NHS: variants seen among roughly 807,000 people sequenced by gnomAD.
NHS encodes NHS actin remodeling regulator, also known as actin remodeling regulator NHS.
Under a neutral mutation model 72.5 loss-of-function variants are expected in NHS, and 5 were observed. The observed-to-expected ratio is 0.07, with a 90% CI of 0.04 to 0.14. NHS has a LOEUF of 0.14. NHS is among the 10% of genes least tolerant of loss of function. The pLI is 1.00. For missense variants in NHS, 1,072 were observed against 1,355.7 expected, an observed-to-expected ratio of 0.79 and a Z score of 3.29; for synonymous variants, 464 against 547.7, an observed-to-expected ratio of 0.85 and a Z score of 2.13.
intron 3 of NHS, among the ~76,000 whole-genome samples, chrX:17,715,269 C>T (rs2066358138): frequency 8.9e-6 from 1 of 112,280 alleles, no homozygotes; most frequent in Admixed American, 9.4e-5. Context: ...TAAATTAGAA[C>T]ATATGGTGTT....
chrX:17,463,488 G>GATATTAGT (rs769344880), intron 1 of NHS, among the ~76,000 whole-genome samples: 1 of 111,115 alleles, frequency 9.0e-6, no homozygotes, highest in African/African-American at 3.3e-5. Flanking sequence ...TCATGATGAT[G>GATATTAGT]ATATTAGTAT....
intron 1 of NHS, among the ~76,000 whole-genome samples, chrX:17,683,518 G>C (rs774349972): frequency 9.0e-6 from 1 of 111,513 alleles, no homozygotes; most frequent in South Asian, 3.8e-4. Flanking sequence ...CTACTTACCA[G>C]GTGGATGACT....
intron 1 of NHS, among the ~76,000 whole-genome samples, chrX:17,581,374 C>G (rs1276320883): frequency 9.0e-6 from 1 of 111,040 alleles, no homozygotes; most frequent in East Asian, 2.8e-4. Context: ...TAGAGGGTCC[C>G]CCAGAAATGG....
chrX:17,557,184 C>T (rs978140182), intron 1 of NHS: 1 of 100,895 alleles, frequency 9.9e-6, no homozygotes, highest in Non-Finnish European at 2.0e-5. Flanking sequence ...AGAGAAGACC[C>T]CTCTGATGGT....
intron 1 of NHS, among the ~76,000 whole-genome samples, chrX:17,683,216 G>A (rs1033902210): frequency 8.9e-6 from 1 of 112,085 alleles, no homozygotes; most frequent in African/African-American, 3.2e-5. Flanking sequence ...TCTGTTTGTG[G>A]TGTTGTCTTT....
At chrX:17,564,501 G>A (rs1474004240) in intron 1 of NHS, among the ~76,000 whole-genome samples, 1 of 112,068 alleles carries the variant, frequency 8.9e-6, no homozygotes, top group Non-Finnish European at 1.9e-5. Context: ...GGTTTCAAAT[G>A]ATGACGCTTA....
chrX:17,578,470 G>T (rs1231383423), intron 1 of NHS, among the ~76,000 whole-genome samples: 1 of 112,005 alleles, frequency 8.9e-6, no homozygotes, highest in African/African-American at 3.2e-5. Flanking sequence ...TAGGTTAAGT[G>T]ATCTTGAGGA....
chrX:17,475,471 A>G lies in NHS; in HGVS notation c.565+99149A>G, dbSNP rs190753970. Among the ~76,000 whole-genome samples, 927 of 111,669 alleles carry G rather than the reference A, an allele frequency of 8.3e-3. 3 individuals are homozygous for G. The highest frequency in any genetic ancestry group is 0.012 in the Non-Finnish European group (661 of 53,018). ...TTCAGGCCCTGAGAGCTTGACCCCA[A>G]TTCTTCTCTGTGTGTCTGTCTGGCC... On this transcript the variant is annotated intron_variant, in intron 1 of 8. Coordinates refer to ENST00000676302, the MANE Select transcript of NHS (RefSeq NM_001291867.2).
intron 1 of NHS, among the ~76,000 whole-genome samples, chrX:17,445,193 G>A (rs186664730): frequency 3.3e-4 from 37 of 111,484 alleles, no homozygotes; most frequent in Admixed American, 5.7e-4. Context: ...AGGAGGTAAG[G>A]TATTTTAAAC....
intron 1 of NHS, among the ~76,000 whole-genome samples, chrX:17,615,300 TGG>T (rs2065739623): frequency 9.7e-6 from 1 of 103,215 alleles, no homozygotes; most frequent in Non-Finnish European, 2.0e-5. Context: ...TTGCCCAGGC[TGG>T]GGTGCAGTGG....
intron 1 of NHS, among the ~76,000 whole-genome samples, chrX:17,591,583 A>G (rs935750930): frequency 1.8e-5 from 2 of 111,488 alleles, no homozygotes; most frequent in African/African-American, 3.3e-5. Context: ...CCCAGGTCAA[A>G]CTCACTTGAC....
At chrX:17,669,682 GGAGA>G (rs1164256437) in intron 1 of NHS, among the ~76,000 whole-genome samples, 2 of 112,077 alleles carry the variant, frequency 1.8e-5, no homozygotes, top group East Asian at 5.6e-4. Context: ...AAGGAAGTAG[GGAGA>G]GAGAGTGATG....
At chrX:17,666,341 T>C (rs895062119) in intron 1 of NHS, among the ~76,000 whole-genome samples, 1 of 112,615 alleles carries the variant, frequency 8.9e-6, no homozygotes, top group Non-Finnish European at 1.9e-5. Context: ...AATGGTGCAG[T>C]ATGCAGTGGT....
At chrX:17,530,242 C>T (rs1339880617) in intron 1 of NHS, among the ~76,000 whole-genome samples, 4 of 111,493 alleles carry the variant, frequency 3.6e-5, no homozygotes, top group Non-Finnish European at 7.5e-5. Flanking sequence ...GCCAGGTCAC[C>T]GGATGGGAAT....
chrX:17,418,122 G>T (rs2064605889), intron 1 of NHS, among the ~76,000 whole-genome samples: 1 of 111,875 alleles, frequency 8.9e-6, no homozygotes, highest in Non-Finnish European at 1.9e-5. Context: ...TATTTTCACT[G>T]CAGAATATTT....
chrX:17,692,632 G>T (rs920516463), intron 3 of NHS, among the ~76,000 whole-genome samples, 164 bp downstream of exon 3: 3 of 111,498 alleles, frequency 2.7e-5, no homozygotes, highest in Non-Finnish European at 3.8e-5. Flanking sequence ...ATTCCTGAAA[G>T]AAACGCCTCT....
intron 1 of NHS, among the ~76,000 whole-genome samples, chrX:17,461,630 TAC>T (rs2064847919): frequency 8.8e-6 from 1 of 113,091 alleles, no homozygotes; most frequent in Non-Finnish European, 1.9e-5. Flanking sequence ...CAAGGCCTGT[TAC>T]AGTTAGCTTG....
intron 1 of NHS, among the ~76,000 whole-genome samples, chrX:17,421,950 A>C (rs2064626220): frequency 8.9e-6 from 1 of 112,198 alleles, no homozygotes; most frequent in South Asian, 3.7e-4. Context: ...AATGTGAATA[A>C]ATCTTAAGTG....
At chrX:17,421,476 A>G (rs2064623330) in intron 1 of NHS, among the ~76,000 whole-genome samples, 1 of 112,186 alleles carries the variant, frequency 8.9e-6, no homozygotes, top group Admixed American at 9.4e-5. Flanking sequence ...AATATTTATC[A>G]TTTGAACAAG....
Sources: allele counts gnomAD v4.1 joint callset (sites outside exome capture counted in the v4.1 genomes callset), GRCh38; gene constraint gnomAD v4.1.1; transcripts MANE v1.5; gene names NCBI Gene and HGNC (gene_info 2026-07-23, HGNC 2026-07-21).